PPP4R3A: variants seen among roughly 807,000 people sequenced by gnomAD.
PPP4R3A encodes serine/threonine-protein phosphatase 4 regulatory subunit 3A.
Under a neutral mutation model 91.7 loss-of-function variants are expected in PPP4R3A, and 15 were observed. That is an observed-to-expected ratio of 0.16 (90% confidence interval 0.11 to 0.25). The LOEUF (loss-of-function observed/expected upper bound fraction) is 0.25. Ranked by LOEUF, PPP4R3A falls within the 10% of genes least tolerant of loss-of-function variation. The probability of loss-of-function intolerance (pLI) is 1.00; values close to 1 mark genes in which losing one functional copy is unlikely to be tolerated. For missense variants in PPP4R3A, 623 were observed against 998.4 expected, an observed-to-expected ratio of 0.62 and a Z score of 5.07; for synonymous variants, 377 against 348.7, an observed-to-expected ratio of 1.08 and a Z score of -0.91.
chr14:91,507,385 T>TGTAGTATATATAATTATATATACTAC (rs1891387162), intron 1 of PPP4R3A, among the ~76,000 whole-genome samples: 8 of 55,256 alleles, frequency 1.4e-4, no homozygotes, highest in South Asian at 1.1e-3. Flanking sequence ...ATATATACTA[T>TGTAGTATATATAATTATATATACTAC]ATAGTATATG....
intron 9 of PPP4R3A, among the ~76,000 whole-genome samples, chr14:91,472,173 A>ACACACG (rs1256122857): frequency 6.6e-6 from 1 of 152,086 alleles, no homozygotes; most frequent in Admixed American, 6.5e-5. Flanking sequence ...CCTAAATTAA[A>ACACACG]CACACGCACA....
At chr14:91,495,329 T>TGTGTGTGTGTGTGTGTGTGTGTG (rs1409046314) in intron 1 of PPP4R3A, among the ~76,000 whole-genome samples, 5 of 151,174 alleles carry the variant, frequency 3.3e-5, no homozygotes, top group Non-Finnish European at 5.9e-5. Context: ...TGTGTGTATG[T>TGTGTGTGTGTGTGTGTGTGTGTG]TTTTTTTTAG....
At chr14:91,479,397 T>A (rs895515266) in intron 4 of PPP4R3A, among the ~76,000 whole-genome samples, 2 of 151,838 alleles carry the variant, frequency 1.3e-5, no homozygotes, top group African/African-American at 4.8e-5. Flanking sequence ...AGATAGGGTC[T>A]CACTCTGTTG....
At chr14:91,469,374 T>G (rs1038943133) in intron 10 of PPP4R3A, among the ~76,000 whole-genome samples, 11 of 152,158 alleles carry the variant, frequency 7.2e-5, no homozygotes, top group African/African-American at 2.7e-4. Flanking sequence ...AATCCCCTTT[T>G]CCACACTTGA....
At chr14:91,479,431 G>A (rs1421985636) in intron 4 of PPP4R3A, among the ~76,000 whole-genome samples, 2 of 151,172 alleles carry the variant, frequency 1.3e-5, no homozygotes, top group African/African-American at 4.9e-5. Flanking sequence ...GCGGTGGCAT[G>A]ATCATTGCTC....
chr14:91,489,488 G>A (rs1341384063), intron 2 of PPP4R3A, among the ~76,000 whole-genome samples: 1 of 152,098 alleles, frequency 6.6e-6, no homozygotes, highest in African/African-American at 2.4e-5. Context: ...TAAAATTTTA[G>A]AAACTGCTTT....
At chr14:91,459,492 A>C (rs543183589) in intron 14 of PPP4R3A, among the ~76,000 whole-genome samples, 33 of 152,268 alleles carry the variant, frequency 2.2e-4, no homozygotes, top group Non-Finnish European at 4.4e-4. Flanking sequence ...TTCAAGACTT[A>C]ATAGCATCTT....
intron 1 of PPP4R3A, among the ~76,000 whole-genome samples, chr14:91,508,992 C>G (rs944530485): frequency 1.3e-5 from 2 of 152,136 alleles, no homozygotes; most frequent in African/African-American, 4.8e-5. Flanking sequence ...TGTTGCCAAG[C>G]TTCAACACGA....
At position 91,461,453 on chromosome 14, in the gene PPP4R3A, T is replaced by C. The variant is rs1185253361; in HGVS notation, c.2319A>G (p.Gly773=). 6.2e-7 allele frequency: 1 copy of C among 1,614,006 alleles called. No homozygotes were observed. Among genetic ancestry groups the C allele is most frequent in the Non-Finnish European group, 8.5e-7 (1 of 1,180,010 alleles). Residue 773 remains glycine, a synonymous_variant, in exon 14 of 15, where the codon GGA becomes GGG. Coordinates refer to ENST00000554943, the MANE Select transcript of PPP4R3A (RefSeq NM_001366432.2). ...CAGGAGAGCCTGGAGATCCTGGGGA[T>C]CCAGGTGATCCCGGAGAACCAGGCA... The part of the protein sequence containing the change: ...TNLPGSPGSP[G]SPGSPGSPGS...
chr14:91,494,498 C>T (rs369413271), intron 1 of PPP4R3A, among the ~76,000 whole-genome samples: 2 of 152,240 alleles, frequency 1.3e-5, no homozygotes, highest in Admixed American at 6.5e-5. Flanking sequence ...TTATCCAAAA[C>T]GGATATACAA....
intron 1 of PPP4R3A, among the ~76,000 whole-genome samples, chr14:91,498,741 C>T (rs535856047): frequency 1.3e-5 from 2 of 151,680 alleles, no homozygotes; most frequent in South Asian, 2.1e-4. Flanking sequence ...GGTGAAACCC[C>T]GTCTCTACTA....
intron 2 of PPP4R3A, among the ~76,000 whole-genome samples, chr14:91,487,349 T>C (rs896988334): frequency 6.6e-6 from 1 of 151,928 alleles, no homozygotes; most frequent in Middle Eastern, 3.4e-3. Flanking sequence ...AAAAGGATCC[T>C]CTCATTGAGA....
At chr14:91,497,228 A>G (rs532345210) in intron 1 of PPP4R3A, among the ~76,000 whole-genome samples, 8 of 152,112 alleles carry the variant, frequency 5.3e-5, no homozygotes, top group South Asian at 2.1e-4. Context: ...GTGGAACTCA[A>G]TAACTGAAGC....
intron 2 of PPP4R3A, among the ~76,000 whole-genome samples, chr14:91,490,243 TAAGA>T (rs1244018536): frequency 6.6e-6 from 1 of 152,228 alleles, no homozygotes; most frequent in Non-Finnish European, 1.5e-5. Flanking sequence ...TAGAAAGGTT[TAAGA>T]AAGTGTATTT....
Position 91,461,550 on chromosome 14 carries a change from C to A in PPP4R3A, c.2222G>T (p.Ser741Ile), listed in dbSNP as rs757937284. 2.0e-5 allele frequency: 32 copies of A among 1,613,922 alleles called. No individual in the cohort carries two copies. Among genetic ancestry groups the A allele is most frequent in the African/African-American group, 1.3e-5 (1 of 74,906 alleles). ...LLKTNLSGRQ[S>I]PSFKLSLSSG... ...GGACAGGGAAAGCTTGAAACTTGGG[C>A]TCTGCCGTCCAGAAAGGTTTGTTTT... is the stretch of plus-strand genomic sequence containing the variant. Residue 741 changes from serine (S) to isoleucine (I), a missense_variant, in exon 14 of 15, where the codon AGC becomes ATC. Around this residue, in one of 5 missense-constraint regions of PPP4R3A, gnomAD observed 201 missense variants for 229.9 expected, o/e 0.87. Transcript: ENST00000554943.
At chr14:91,497,042 T>C (rs1890617499) in intron 1 of PPP4R3A, among the ~76,000 whole-genome samples, 2 of 152,112 alleles carry the variant, frequency 1.3e-5, no homozygotes, top group Admixed American at 6.6e-5. Flanking sequence ...TACTAAGGTA[T>C]GGGTATGGAT....
intron 3 of PPP4R3A, 129 bp downstream of exon 3, chr14:91,485,503 G>C: frequency 1.5e-6 from 1 of 678,392 alleles, no homozygotes; most frequent in East Asian, 2.7e-5. Context: ...TTTAAATCAA[G>C]TTCAAAGACA....
intron 1 of PPP4R3A, 71 bp from the exon 2 acceptor site, chr14:91,490,873 CAT>C: frequency 1.6e-6 from 1 of 644,428 alleles, no homozygotes; most frequent in Non-Finnish European, 2.4e-6. Context: ...TACATACACA[CAT>C]ATTTCCTTAA....
At chr14:91,506,160 G>A (rs1891280728) in intron 1 of PPP4R3A, among the ~76,000 whole-genome samples, 1 of 152,140 alleles carries the variant, frequency 6.6e-6, no homozygotes, top group Non-Finnish European at 1.5e-5. Context: ...TATTAGCCAG[G>A]ATGGTCTCGA....
Sources: gnomAD v4.1 joint callset for allele counts (sites outside exome capture counted in the v4.1 genomes callset) on GRCh38, gnomAD v4.1.1 for gene constraint, gnomAD v4.1.1 regional missense constraint, MANE v1.5 for transcripts, NCBI Gene and HGNC (gene_info 2026-07-23, HGNC 2026-07-21) for gene names.